CACNB2: variants seen among roughly 807,000 people sequenced by gnomAD.
CACNB2 encodes the protein voltage-dependent L-type calcium channel subunit beta-2.
In CACNB2, 42 loss-of-function variants were observed where a neutral mutation model predicts 73.3. That is an observed-to-expected ratio of 0.57 (90% CI 0.45 to 0.74). The LOEUF is 0.74. Among genes scored for constraint, CACNB2 ranks in the 30% least tolerant of loss-of-function variants. The pLI is 0.00. For synonymous variants in CACNB2, 348 were observed against 310.3 expected (o/e 1.12, Z -1.28); for missense variants, 940 against 853.0 (o/e 1.10, Z -1.27).
intron 2 of CACNB2, among the ~76,000 whole-genome samples, chr10:18,227,133 C>T (rs1038243076): frequency 7.2e-5 from 11 of 151,942 alleles, no homozygotes; most frequent in Middle Eastern, 3.2e-3. Context: ...AATTTTATGT[C>T]GAATATCGTA....
At position 18,539,569 on chromosome 10, in the gene CACNB2, CG is replaced by C; in HGVS notation, c.1831del (p.Asp611ThrfsTer31). 6.2e-7 allele frequency: 1 copy of C among 1,613,748 alleles called. No homozygotes were observed. The highest frequency in any genetic ancestry group is 8.5e-7 in the Non-Finnish European group (1 of 1,179,986). On this transcript the variant is annotated frameshift_variant, in exon 14 of 14. Transcript: ENST00000324631. LOFTEE classifies it high-confidence loss of function. ...ACACAGGGAGTCCCGGCACCGTTCC[CG>C]GGACGTGGATCGAGAGCAGGACCAC... ...HRHRESRHRS[R>X]DVDREQDHNE...
At chr10:18,402,218 T>C (rs965340218) in intron 3 of CACNB2, among the ~76,000 whole-genome samples, 175 bp downstream of exon 3, 3 of 152,120 alleles carry the variant, frequency 2.0e-5, no homozygotes, top group Admixed American at 2.0e-4. Context: ...AAAGGAAGTG[T>C]GGTATGTAAG....
At chr10:18,371,899 C>T (rs1194612064) in intron 2 of CACNB2, among the ~76,000 whole-genome samples, 2 of 152,206 alleles carry the variant, frequency 1.3e-5, no homozygotes, top group African/African-American at 4.8e-5. Flanking sequence ...CTCATTCTAA[C>T]TGGTGTGAGA....
intron 3 of CACNB2, among the ~76,000 whole-genome samples, chr10:18,451,657 C>A (rs373145463): frequency 6.6e-6 from 1 of 152,194 alleles, no homozygotes; most frequent in African/African-American, 2.4e-5. Context: ...AAACTTCTCA[C>A]CTGCAAGGAC....
intron 2 of CACNB2, among the ~76,000 whole-genome samples, chr10:18,334,575 C>T (rs2040929937): frequency 6.6e-6 from 1 of 152,158 alleles, no homozygotes; most frequent in African/African-American, 2.4e-5. Context: ...TCATTCTCAG[C>T]ACTATGGACA....
intron 2 of CACNB2, among the ~76,000 whole-genome samples, chr10:18,330,513 T>C (rs1241039057): frequency 6.6e-6 from 1 of 151,790 alleles, no homozygotes; most frequent in African/African-American, 2.4e-5. Context: ...CCAGGTGTAG[T>C]GGTGTGTTCC....
intron 2 of CACNB2, among the ~76,000 whole-genome samples, chr10:18,242,209 T>G (rs571761243): frequency 3.4e-4 from 51 of 151,996 alleles, no homozygotes; most frequent in African/African-American, 1.2e-3. Context: ...TTTCAATTTA[T>G]GTAATATATA....
chr10:18,475,708 C>T (rs1422292052), intron 3 of CACNB2, among the ~76,000 whole-genome samples: 3 of 152,142 alleles, frequency 2.0e-5, no homozygotes, highest in Non-Finnish European at 2.9e-5. Context: ...TCTGAAACTT[C>T]GTATAATGAC....
chr10:18,472,486 C>G (rs551028922), intron 3 of CACNB2, among the ~76,000 whole-genome samples: 1 of 152,328 alleles, frequency 6.6e-6, no homozygotes, highest in East Asian at 1.9e-4. Flanking sequence ...ATCCGCCCGC[C>G]TTGGCCTCCC....
chr10:18,185,864 A>G (rs2034125064), intron 2 of CACNB2, among the ~76,000 whole-genome samples: 1 of 152,152 alleles, frequency 6.6e-6, no homozygotes, highest in South Asian at 2.1e-4. Context: ...TCATGTTGTC[A>G]TGGAGATGAC....
chr10:18,340,530 G>A (rs892114023), intron 2 of CACNB2, among the ~76,000 whole-genome samples: 2 of 152,126 alleles, frequency 1.3e-5, no homozygotes, highest in Non-Finnish European at 2.9e-5. Flanking sequence ...AAGGATTCTC[G>A]AGCAGGGCTG....
At chr10:18,223,263 A>G (rs2035863609) in intron 2 of CACNB2, among the ~76,000 whole-genome samples, 1 of 152,218 alleles carries the variant, frequency 6.6e-6, no homozygotes, top group Admixed American at 6.5e-5. Flanking sequence ...CCTTCTATAT[A>G]TGTAATACTG....
chr10:18,333,108 T>G (rs1046327558), intron 2 of CACNB2, among the ~76,000 whole-genome samples: 4 of 152,078 alleles, frequency 2.6e-5, no homozygotes, highest in African/African-American at 9.7e-5. Flanking sequence ...TAACAGTAGG[T>G]TCTCATTTTC....
chr10:18,454,671 G>A (rs1412312217), intron 3 of CACNB2, among the ~76,000 whole-genome samples: 1 of 152,232 alleles, frequency 6.6e-6, no homozygotes, highest in East Asian at 1.9e-4. Context: ...TCAATGGACT[G>A]TGTAGTATTT....
intron 2 of CACNB2, among the ~76,000 whole-genome samples, chr10:18,379,803 C>T (rs1423420019): frequency 6.6e-6 from 1 of 152,186 alleles, no homozygotes. Flanking sequence ...TATCCCATCT[C>T]AGCCTCCCAA....
chr10:18,201,096 A>G (rs962720103), intron 2 of CACNB2, among the ~76,000 whole-genome samples: 2 of 152,062 alleles, frequency 1.3e-5, no homozygotes, highest in Non-Finnish European at 2.9e-5. Flanking sequence ...ATGTTTGTGT[A>G]TTTCTTAATA....
intron 3 of CACNB2, among the ~76,000 whole-genome samples, chr10:18,410,772 G>C (rs190801441): frequency 0.014 from 2,102 of 152,176 alleles, 62 homozygotes; most frequent in African/African-American, 0.047. Context: ...ACAAGGTCAG[G>C]AGTTTGAGAG....
chr10:18,229,586 G>A (rs1285957512), intron 2 of CACNB2, among the ~76,000 whole-genome samples: 1 of 152,086 alleles, frequency 6.6e-6, no homozygotes, highest in Non-Finnish European at 1.5e-5. Context: ...AAAATATTTA[G>A]CAGCATGAAA....
intron 2 of CACNB2, among the ~76,000 whole-genome samples, chr10:18,290,034 T>C (rs1295734029): frequency 4.0e-5 from 6 of 151,372 alleles, no homozygotes; most frequent in African/African-American, 9.7e-5. Flanking sequence ...TTTGACTTAA[T>C]AGATCTTTTT....
Sources: allele counts gnomAD v4.1 joint callset (sites outside exome capture counted in the v4.1 genomes callset), GRCh38; gene constraint gnomAD v4.1.1; transcripts MANE v1.5; gene names NCBI Gene and HGNC (gene_info 2026-07-23, HGNC 2026-07-21).